Variants in ARHGAP31 observed in about 807,000 individuals in gnomAD.
The protein encoded by ARHGAP31 is rho GTPase-activating protein 31.
In ARHGAP31, 34 loss-of-function variants were observed where a neutral mutation model predicts 113.9. The ratio of observed to expected loss-of-function variants is 0.30; its 90% confidence interval spans 0.23 to 0.40. ARHGAP31 has a LOEUF of 0.40. Ranked by LOEUF, ARHGAP31 falls within the 10% of genes least tolerant of loss-of-function variation. ARHGAP31 has a pLI of 1.00. For missense variants in ARHGAP31, 1,548 were observed against 1,767.1 expected, an observed-to-expected ratio of 0.88 and a Z score of 2.22; for synonymous variants, 650 against 684.8, an observed-to-expected ratio of 0.95 and a Z score of 0.79.
At chr3:119,376,734 T>C (rs936281576) in intron 3 of ARHGAP31, among the ~76,000 whole-genome samples, 1 of 148,586 alleles carries the variant, frequency 6.7e-6, no homozygotes, top group South Asian at 2.1e-4. Flanking sequence ...CACTCCAGCC[T>C]GGGTGACAGA....
In ARHGAP31 at chr3:119,317,639, A is replaced by G. The variant is rs568584116; in HGVS notation, c.100+22635A>G. 6.3e-4 allele frequency among the ~76,000 whole-genome samples: 96 copies of G among 152,320 alleles called. 1 individual carries two copies. The highest frequency in any genetic ancestry group is 1.9e-3 in the African/African-American group (80 of 41,568). On this transcript the variant is annotated intron_variant, in intron 1 of 11. Coordinates refer to ENST00000264245, the MANE Select transcript of ARHGAP31 (RefSeq NM_020754.4). ...ACACTAACAACACAGAATAATTCCT[A>G]CCACTACAGATGCATCCCAATTACT...
intron 7 of ARHGAP31, among the ~76,000 whole-genome samples, chr3:119,392,453 C>A (rs892106700): frequency 2.6e-5 from 4 of 152,158 alleles, no homozygotes; most frequent in South Asian, 2.1e-4. Flanking sequence ...GTCTCAACAA[C>A]AACAACAACA....
intron 2 of ARHGAP31, among the ~76,000 whole-genome samples, chr3:119,366,795 T>A (rs2080255453): frequency 6.6e-6 from 1 of 150,516 alleles, no homozygotes; most frequent in African/African-American, 2.4e-5. Flanking sequence ...TAGCATGGCA[T>A]AGTTCTCTTT....
At chr3:119,339,497 T>A (rs1365441096) in intron 1 of ARHGAP31, among the ~76,000 whole-genome samples, 3 of 152,126 alleles carry the variant, frequency 2.0e-5, no homozygotes, top group African/African-American at 7.2e-5. Context: ...CTACCCAGTA[T>A]TGAGGCCTAG....
At chr3:119,311,768 G>A (rs1383094694) in intron 1 of ARHGAP31, among the ~76,000 whole-genome samples, 3 of 152,216 alleles carry the variant, frequency 2.0e-5, no homozygotes, top group Non-Finnish European at 4.4e-5. Context: ...GAGGGAATGT[G>A]GGAGACAGGG....
At chr3:119,297,157 T>G (rs1332571288) in intron 1 of ARHGAP31, among the ~76,000 whole-genome samples, 1 of 152,222 alleles carries the variant, frequency 6.6e-6, no homozygotes, top group Non-Finnish European at 1.5e-5. Flanking sequence ...GTAATTAGAA[T>G]TTATTTTTTC....
chr3:119,338,167 T>C (rs2079975207), intron 1 of ARHGAP31, among the ~76,000 whole-genome samples: 1 of 152,346 alleles, frequency 6.6e-6, no homozygotes, highest in Admixed American at 6.5e-5. Context: ...TGTCCTTTAA[T>C]AAATATTGTA....
chr3:119,328,543 G>T (rs1031976622), intron 1 of ARHGAP31, among the ~76,000 whole-genome samples: 1 of 152,100 alleles, frequency 6.6e-6, no homozygotes, highest in African/African-American at 2.4e-5. Context: ...TCTTCTTCTG[G>T]ACAGTATTTC....
At chr3:119,321,415 A>C (rs1007098059) in intron 1 of ARHGAP31, among the ~76,000 whole-genome samples, 1 of 148,704 alleles carries the variant, frequency 6.7e-6, no homozygotes, top group East Asian at 1.9e-4. Flanking sequence ...ATTGGGAAAT[A>C]CATAAATGTT....
At chr3:119,395,188 C>T (rs1023676800) in intron 8 of ARHGAP31, among the ~76,000 whole-genome samples, 3 of 152,296 alleles carry the variant, frequency 2.0e-5, no homozygotes, top group Admixed American at 6.5e-5. Flanking sequence ...TCCTCAAACC[C>T]GGTGATAATC....
At chr3:119,383,908 T>C (rs148041941) in intron 6 of ARHGAP31, among the ~76,000 whole-genome samples, 41 of 152,296 alleles carry the variant, frequency 2.7e-4, no homozygotes, top group African/African-American at 7.9e-4. Context: ...CCAACATTAG[T>C]GTAAATCGAA....
chr3:119,347,266 C>T (rs1209036790), intron 1 of ARHGAP31, among the ~76,000 whole-genome samples: 2 of 152,140 alleles, frequency 1.3e-5, no homozygotes, highest in African/African-American at 2.4e-5. Flanking sequence ...AGGAAATTAC[C>T]GGACTATAAA....
chr3:119,389,319 AT>A (rs958816721), intron 6 of ARHGAP31, among the ~76,000 whole-genome samples: 1 of 152,142 alleles, frequency 6.6e-6, no homozygotes, highest in African/African-American at 2.4e-5. Flanking sequence ...TGTTCTTCCC[AT>A]TGTTGCAGTT....
In ARHGAP31 at chr3:119,301,544, C is replaced by T. The variant is rs573143569; in HGVS notation, c.100+6540C>T. 8.5e-5 allele frequency among the ~76,000 whole-genome samples: 13 copies of T among 152,342 alleles called. No homozygotes were observed. The East Asian group carries it at 1.9e-3, about 23-fold the overall frequency. The stretch of plus-strand genomic sequence containing the variant: ...AGGCATCTGTGGGCTAGCCTGGGAA[C>T]CTTTTCTGTAGGGTGGAAGCAGGTG... On this transcript the variant is annotated intron_variant, in intron 1 of 11. Coordinates refer to ENST00000264245, the MANE Select transcript of ARHGAP31 (RefSeq NM_020754.4).
intron 5 of ARHGAP31, 40 bp downstream of exon 5, chr3:119,382,439 C>A (rs1219077434): frequency 1.3e-6 from 2 of 1,554,782 alleles, no homozygotes; most frequent in East Asian, 4.5e-5. Flanking sequence ...GCCCAGGGGG[C>A]TCAGAGCAGC....
At chr3:119,355,281 G>A (rs958811030) in intron 1 of ARHGAP31, among the ~76,000 whole-genome samples, 14 of 152,026 alleles carry the variant, frequency 9.2e-5, no homozygotes, top group Admixed American at 8.5e-4. Context: ...TGTTTCATGG[G>A]TTGTCTACAG....
chr3:119,337,633 G>C (rs2107610973), intron 1 of ARHGAP31, among the ~76,000 whole-genome samples: 1 of 152,220 alleles, frequency 6.6e-6, no homozygotes, highest in South Asian at 2.1e-4. Flanking sequence ...AGTGCAGATT[G>C]GTCCGTTTTA....
chr3:119,381,074 G>A (rs2080392695), intron 4 of ARHGAP31, 88 bp downstream of exon 4: 1 of 1,305,938 alleles, frequency 7.7e-7, no homozygotes, highest in Non-Finnish European at 1.1e-6. Context: ...AGGAAACAAT[G>A]TGTGGACAGT....
At chr3:119,386,051 C>G (rs1402638876) in intron 6 of ARHGAP31, among the ~76,000 whole-genome samples, 1 of 152,184 alleles carries the variant, frequency 6.6e-6, no homozygotes, top group Non-Finnish European at 1.5e-5. Context: ...TACTCTTTAG[C>G]CTTTAACTCT....
Sources: allele counts gnomAD v4.1 joint callset (sites outside exome capture counted in the v4.1 genomes callset), GRCh38; gene constraint gnomAD v4.1.1; transcripts MANE v1.5; gene names NCBI Gene and HGNC (gene_info 2026-07-23, HGNC 2026-07-21).